QKI: variants seen among roughly 807,000 people sequenced by gnomAD.
The protein encoded by QKI is KH domain-containing RNA-binding protein QKI.
In QKI, 10 loss-of-function variants were observed where a neutral mutation model predicts 39.0. The ratio of observed to expected loss-of-function variants is 0.26; its 90% CI spans 0.16 to 0.43. The LOEUF is 0.43. Ranked by LOEUF, QKI falls within the 20% of genes least tolerant of loss-of-function variation. The probability of loss-of-function intolerance (pLI) is 1.00; values close to 1 mark genes in which losing one functional copy is unlikely to be tolerated. For synonymous variants in QKI, 204 were observed against 155.4 expected (o/e 1.31, Z -2.33); for missense variants, 218 against 428.0 (o/e 0.51, Z 4.33).
intron 4 of QKI, among the ~76,000 whole-genome samples, chr6:163,544,432 T>G (rs1409158740): frequency 6.6e-6 from 1 of 152,018 alleles, no homozygotes; most frequent in Non-Finnish European, 1.5e-5. Flanking sequence ...AGAGAGAGCT[T>G]CAGCTCTCCC....
intron 1 of QKI, among the ~76,000 whole-genome samples, chr6:163,451,650 T>G (rs1414119960): frequency 2.6e-5 from 4 of 152,106 alleles, no homozygotes; most frequent in Non-Finnish European, 5.9e-5. Flanking sequence ...GTTGGGAGAT[T>G]TTTTGTACTA....
chr6:163,522,397 A>G (rs2294705), intron 3 of QKI, among the ~76,000 whole-genome samples: 4 of 152,174 alleles, frequency 2.6e-5, no homozygotes, highest in African/African-American at 9.7e-5. Flanking sequence ...GAGTTGCTCA[A>G]GATTACAGGG....
In QKI at chr6:163,523,725, C is replaced by T. The variant is rs368036688; in HGVS notation, c.403-11257C>T. ...ATATTTTAAAAACTGATGAAAATAT[C>T]ATAAAAGATGTGCAAGTTCAAATCT... On this transcript the variant is annotated intron_variant, in intron 3 of 7. Coordinates refer to ENST00000361752, the MANE Select transcript of QKI (RefSeq NM_006775.3). 1.4e-4 allele frequency among the ~76,000 whole-genome samples: 22 copies of T among 152,182 alleles called. No homozygotes were observed. In the East Asian group the frequency reaches 2.5e-3, roughly 17 times the overall value.
chr6:163,563,445 A>G lies in QKI; in HGVS notation c.660A>G (p.Ala220=). 6 of 1,610,156 alleles carry G rather than the reference A, an allele frequency of 3.7e-6. No individual in the cohort carries two copies. The highest frequency in any genetic ancestry group is 5.1e-6 in the Non-Finnish European group (6 of 1,177,482). The change falls in exon 6 of 8, where the codon GCA becomes GCG. Residue 220 remains alanine, a synonymous_variant. Coordinates refer to ENST00000361752, the MANE Select transcript of QKI (RefSeq NM_006775.3). ...CAGCCCTTGCCTTTTCTCTTGCAGC[A>G]ACAGCCCAGGCTGCTCCAAGGATCA... The part of the protein sequence containing the change: ...KSPALAFSLA[A]TAQAAPRIIT...
Position 163,539,058 on chromosome 6 carries a change from A to G in QKI, c.546+3933A>G, listed in dbSNP as rs76693727. 3.4e-3 allele frequency among the ~76,000 whole-genome samples: 521 copies of G among 152,344 alleles called. 6 individuals carry two copies. The highest frequency in any genetic ancestry group is 0.025 in the Admixed American group (383 of 15,294). Reference sequence around the variant, plus strand: ...CATTAGATCAAAAGCTTTTTGAGCCATGAGACTGGATGTATCATCAAGAAA... The same window carrying G: ...CATTAGATCAAAAGCTTTTTGAGCCGTGAGACTGGATGTATCATCAAGAAA... On this transcript the variant is annotated intron_variant, in intron 4 of 7. Transcript: ENST00000361752.
chr6:163,527,002 C>CA (rs1302016415), intron 3 of QKI, among the ~76,000 whole-genome samples: 2 of 151,924 alleles, frequency 1.3e-5, no homozygotes, highest in Admixed American at 1.3e-4. Flanking sequence ...AATTATTTGG[C>CA]AAAAAACAAT....
Position 163,495,167 on chromosome 6 carries a change from G to A in QKI, c.402+16271G>A, listed in dbSNP as rs561945163. Among the ~76,000 whole-genome samples, 243 of 152,136 alleles carry A rather than the reference G, an allele frequency of 1.6e-3. 1 individual carries two copies. Among genetic ancestry groups the A allele is most frequent in the Middle Eastern group, 3.4e-3 (1 of 294 alleles). ...TGACCTCAAGTGATCTGCCTGCCTCGGCCTCCCAAAGTGCTGGGATTACAG... is the reference window on the plus strand; with the variant it reads ...TGACCTCAAGTGATCTGCCTGCCTCAGCCTCCCAAAGTGCTGGGATTACAG... On this transcript the variant is annotated intron_variant, in intron 3 of 7. Transcript: ENST00000361752.
At chr6:163,538,158 G>A (rs1197134050) in intron 4 of QKI, among the ~76,000 whole-genome samples, 2 of 152,124 alleles carry the variant, frequency 1.3e-5, no homozygotes, top group Non-Finnish European at 2.9e-5. Flanking sequence ...CCTGCTGTAG[G>A]TTAGACACTG....
chr6:163,570,273 C>A (rs1783623158), intron 7 of QKI: 4 of 981,844 alleles, frequency 4.1e-6, no homozygotes, highest in Non-Finnish European at 4.8e-6. Flanking sequence ...TTAATGCTTG[C>A]ATCTTAGAGA....
At chr6:163,564,677 AATGCCAGTCATGCCTGATATTTCAGCCC>A (rs1465894459) in intron 6 of QKI, 1 of 1,613,966 alleles carries the variant, frequency 6.2e-7, no homozygotes, top group Non-Finnish European at 8.5e-7. Context: ...AGTGGATTGA[AATGCCAGTCATGCCTGATATTTCAGCCC>A]ATTGACTTGC....
In QKI at chr6:163,432,615, G is replaced by A. The variant is rs185939962; in HGVS notation, c.142+17280G>A. The stretch of plus-strand genomic sequence containing the variant: ...AGGGTCTCACGATATTGCCCAGCCT[G>A]GTCTTAAACTTAAGGCCTCAAGTGA... On this transcript the variant is annotated intron_variant, in intron 1 of 7. Transcript: ENST00000361752. Among the ~76,000 whole-genome samples, 60 of 152,084 alleles carry A rather than the reference G, an allele frequency of 3.9e-4. No homozygotes were observed. In the East Asian group the frequency reaches 7.6e-3, roughly 19 times the overall value.
intron 1 of QKI, among the ~76,000 whole-genome samples, chr6:163,444,182 T>C (rs1789971110): frequency 6.6e-6 from 1 of 152,186 alleles, no homozygotes; most frequent in Non-Finnish European, 1.5e-5. Flanking sequence ...ATACAGCCCT[T>C]GCCTGTAGGG....
At chr6:163,504,644 T>C (rs904230199) in intron 3 of QKI, among the ~76,000 whole-genome samples, 1 of 152,172 alleles carries the variant, frequency 6.6e-6, no homozygotes, top group Non-Finnish European at 1.5e-5. Flanking sequence ...TGGGATGCAT[T>C]GGCTGTCAGC....
intron 3 of QKI, among the ~76,000 whole-genome samples, chr6:163,524,349 C>G (rs1318152001): frequency 3.1e-5 from 1 of 32,014 alleles, no homozygotes; most frequent in Non-Finnish European, 9.4e-5. Context: ...TTATCTTAAG[C>G]TACTCTTTTT....
At chr6:163,540,213 C>T (rs2128242731) in intron 4 of QKI, among the ~76,000 whole-genome samples, 1 of 151,878 alleles carries the variant, frequency 6.6e-6, no homozygotes. Flanking sequence ...TAGCAAAAAA[C>T]ATCTAGTCCA....
chr6:163,474,521 A>G (rs1387844965), intron 2 of QKI, among the ~76,000 whole-genome samples: 4 of 152,126 alleles, frequency 2.6e-5, no homozygotes, highest in Non-Finnish European at 5.9e-5. Flanking sequence ...ACAGAAAATG[A>G]AAACTTAAAA....
intron 1 of QKI, among the ~76,000 whole-genome samples, chr6:163,438,710 G>T (rs1037569819): frequency 3.3e-5 from 5 of 152,078 alleles, no homozygotes; most frequent in Admixed American, 2.0e-4. Flanking sequence ...GGGCTTGCAG[G>T]ACTGGAAGTT....
chr6:163,488,135 C>T (rs982833152), intron 3 of QKI, among the ~76,000 whole-genome samples: 3 of 152,066 alleles, frequency 2.0e-5, no homozygotes, highest in African/African-American at 7.2e-5. Context: ...TTTTAACTGG[C>T]GCTCAAGTTG....
At chr6:163,556,727 C>A (rs878901206) in intron 4 of QKI, among the ~76,000 whole-genome samples, 5 of 152,048 alleles carry the variant, frequency 3.3e-5, no homozygotes, top group African/African-American at 1.2e-4. Flanking sequence ...ATGGGCGTAT[C>A]CCCCAGACTC....
Sources: allele counts gnomAD v4.1 joint callset (sites outside exome capture counted in the v4.1 genomes callset), GRCh38; gene constraint gnomAD v4.1.1; transcripts MANE v1.5; gene names NCBI Gene and HGNC (gene_info 2026-07-23, HGNC 2026-07-21).